SUPT3H: variants seen among roughly 807,000 people sequenced by gnomAD.
SUPT3H encodes transcription initiation protein SPT3 homolog.
A neutral mutation model predicts 44.3 loss-of-function variants in SUPT3H; 44 were observed. The ratio of observed to expected loss-of-function variants is 0.99; its 90% CI spans 0.78 to 1.28. The LOEUF is 1.28. Among genes scored for constraint, SUPT3H ranks in the 50% most tolerant of loss-of-function variants. SUPT3H has a pLI of 0.00. For missense variants in SUPT3H, 380 were observed against 387.1 expected (o/e 0.98, Z 0.15); for synonymous variants, 124 against 125.6 (o/e 0.99, Z 0.09).
chr6:45,312,373 G>C (rs1784081204), intron 2 of SUPT3H, among the ~76,000 whole-genome samples: 1 of 152,018 alleles, frequency 6.6e-6, no homozygotes, highest in Non-Finnish European at 1.5e-5. Context: ...AAATTAGCCA[G>C]GCATGGTGGC....
intron 4 of SUPT3H, among the ~76,000 whole-genome samples, chr6:45,016,785 G>C (rs932475495): frequency 7.9e-5 from 12 of 151,990 alleles, no homozygotes; most frequent in African/African-American, 2.9e-4. Context: ...GCTATTGTGA[G>C]TAGTGCCACA....
chr6:45,306,680 C>T (rs1247644553), intron 2 of SUPT3H, among the ~76,000 whole-genome samples: 1 of 152,150 alleles, frequency 6.6e-6, no homozygotes, highest in African/African-American at 2.4e-5. Flanking sequence ...CGAATAGGAA[C>T]AGCTCCAGTC....
rs70996320 is a variant in SUPT3H at position 45,296,110 on chromosome 6, G to GAT, written c.101+69089_101+69090dup. ...ATCAACGAATGGATAAGGAAATTGT[G>GAT]ATATATATATAAGTATATATACACA... On this transcript the variant is annotated intron_variant, in intron 2 of 10. Transcript: ENST00000371459. 5.9e-5 allele frequency among the ~76,000 whole-genome samples: 9 copies of GAT among 151,420 alleles called. No homozygotes were observed. The East Asian group carries it at 7.8e-4, about 13-fold the overall frequency.
rs149030072 is a variant in SUPT3H, at chr6:45,022,478, TA to T, written c.187-1847del. Among the ~76,000 whole-genome samples, 1,050 of 151,924 alleles carry T rather than the reference TA, an allele frequency of 6.9e-3. 19 individuals are homozygous for T. Among genetic ancestry groups the T allele is most frequent in the African/African-American group, 0.024 (997 of 41,440 alleles). On this transcript the variant is annotated intron_variant, in intron 3 of 10. Coordinates refer to ENST00000371459, the MANE Select transcript of SUPT3H (RefSeq NM_003599.4). ...GACCACTGTAAGGATCTGGAATTTA[TA>T]TCATGGTTATCCTGTCGTATGTAGT... is the stretch of plus-strand genomic sequence containing the variant.
At chr6:45,300,755 T>C (rs1437084105) in intron 2 of SUPT3H, among the ~76,000 whole-genome samples, 1 of 152,158 alleles carries the variant, frequency 6.6e-6, no homozygotes, top group Non-Finnish European at 1.5e-5. Flanking sequence ...CATTTTAAAT[T>C]ATGTATACCT....
chr6:45,137,690 ATATT>A (rs1804532845), intron 2 of SUPT3H, among the ~76,000 whole-genome samples: 1 of 151,966 alleles, frequency 6.6e-6, no homozygotes, highest in East Asian at 1.9e-4. Context: ...AAACTAAAAA[ATATT>A]TATTTAACAG....
chr6:45,239,467 T>A (rs958665746), intron 2 of SUPT3H, among the ~76,000 whole-genome samples: 1 of 152,226 alleles, frequency 6.6e-6, no homozygotes, highest in Non-Finnish European at 1.5e-5. Flanking sequence ...ATGCCCAACT[T>A]GCCAAATGGT....
At chr6:45,046,328 TTTTG>T (rs907707659) in intron 3 of SUPT3H, among the ~76,000 whole-genome samples, 11 of 152,106 alleles carry the variant, frequency 7.2e-5, no homozygotes, top group African/African-American at 1.2e-4. Flanking sequence ...GCTTGTTTTT[TTTTG>T]TTTGTTTGTT....
At chr6:44,848,545 A>G (rs1329488304) in intron 10 of SUPT3H, among the ~76,000 whole-genome samples, 1 of 152,218 alleles carries the variant, frequency 6.6e-6, no homozygotes, top group African/African-American at 2.4e-5. Flanking sequence ...TCTTGTGATA[A>G]GAACAGTATT....
At position 45,272,382 on chromosome 6, in the gene SUPT3H, G is replaced by C. The variant is rs552894038; in HGVS notation, c.101+92819C>G. Among the ~76,000 whole-genome samples, 4 of 152,210 alleles carry C rather than the reference G, an allele frequency of 2.6e-5. No homozygotes were observed. The East Asian group carries it at 7.7e-4, about 29-fold the overall frequency. ...GCTGTTCTTGTGATAGTGAGTAAGTGTCACGAGATCTGATGGTTTGATAAA... is the reference window on the plus strand; with the variant it reads ...GCTGTTCTTGTGATAGTGAGTAAGTCTCACGAGATCTGATGGTTTGATAAA... On this transcript the variant is annotated intron_variant, in intron 2 of 10. Coordinates refer to ENST00000371459, the MANE Select transcript of SUPT3H (RefSeq NM_003599.4).
intron 2 of SUPT3H, among the ~76,000 whole-genome samples, chr6:45,277,600 ACT>A (rs1251529821): frequency 4.6e-5 from 7 of 152,152 alleles, no homozygotes; most frequent in Non-Finnish European, 7.4e-5. Flanking sequence ...TTATTACATG[ACT>A]CTGAATAAAG....
At chr6:45,209,635 T>TG (rs1384821676) in intron 2 of SUPT3H, among the ~76,000 whole-genome samples, 43 of 152,334 alleles carry the variant, frequency 2.8e-4, no homozygotes, top group African/African-American at 1.0e-3. Context: ...AGATGAAATC[T>TG]GTTCCTGGTG....
At chr6:45,247,803 T>A (rs531966107) in intron 2 of SUPT3H, among the ~76,000 whole-genome samples, 1 of 152,062 alleles carries the variant, frequency 6.6e-6, no homozygotes, top group African/African-American at 2.4e-5. Flanking sequence ...AAGAATTCAC[T>A]CTAAGACATT....
At chr6:44,890,076 T>G (rs1763032845) in intron 10 of SUPT3H, among the ~76,000 whole-genome samples, 1 of 151,456 alleles carries the variant, frequency 6.6e-6, no homozygotes, top group East Asian at 1.9e-4. Flanking sequence ...CTCACACCAG[T>G]TAGAATGGCG....
chr6:45,054,939 G>C (rs902159531), intron 3 of SUPT3H, among the ~76,000 whole-genome samples: 7 of 152,016 alleles, frequency 4.6e-5, no homozygotes, highest in Non-Finnish European at 1.0e-4. Flanking sequence ...TTAATCACTG[G>C]CTGACCATTA....
At chr6:45,238,769 T>C (rs921832372) in intron 2 of SUPT3H, among the ~76,000 whole-genome samples, 1 of 152,194 alleles carries the variant, frequency 6.6e-6, no homozygotes, top group Admixed American at 6.5e-5. Context: ...TTAAATTACA[T>C]GGATATGATC....
chr6:44,900,072 C>G (rs896853233), intron 10 of SUPT3H, among the ~76,000 whole-genome samples: 78 of 152,302 alleles, frequency 5.1e-4, no homozygotes, highest in African/African-American at 1.7e-3. Context: ...TAGAACAGCT[C>G]CAGTCTACAG....
intron 2 of SUPT3H, among the ~76,000 whole-genome samples, chr6:45,238,146 A>G (rs920477903): frequency 7.9e-5 from 12 of 152,314 alleles, no homozygotes; most frequent in Non-Finnish European, 1.5e-4. Flanking sequence ...AAAAATTTTT[A>G]GTGTTACATT....
Position 45,109,307 on chromosome 6 carries a change from G to A in SUPT3H, c.102-3301C>T, listed in dbSNP as rs182835697. 7.9e-5 allele frequency among the ~76,000 whole-genome samples: 12 copies of A among 152,134 alleles called. No individual in the cohort carries two copies. The East Asian group carries it at 2.3e-3, about 29-fold the overall frequency. On this transcript the variant is annotated intron_variant, in intron 2 of 10. Coordinates refer to ENST00000371459, the MANE Select transcript of SUPT3H (RefSeq NM_003599.4). ...TTAATTCGTTGGAATACTTGAATAA[G>A]GTTTTCCTTCCATTATTCTAAGTTA...
Sources: gnomAD v4.1 joint callset for allele counts (sites outside exome capture counted in the v4.1 genomes callset) on GRCh38, gnomAD v4.1.1 for gene constraint, MANE v1.5 for transcripts, NCBI Gene and HGNC (gene_info 2026-07-23, HGNC 2026-07-21) for gene names.